The following RHOU variants were observed in gnomAD, a reference collection of about 807,000 sequenced individuals.
RHOU encodes the protein rho-related GTP-binding protein RhoU.
RHOU carries 8 observed loss-of-function variants against 12.6 expected under a neutral mutation model. The ratio of observed to expected loss-of-function variants is 0.64; its 90% CI spans 0.37 to 1.15. The LOEUF (loss-of-function observed/expected upper bound fraction) is 1.15, where lower values mean the gene tolerates loss of function less well. Among genes scored for constraint, RHOU ranks in the 50% most tolerant of loss-of-function variants. The pLI is 0.01. For missense variants in RHOU, 258 were observed against 347.0 expected, an observed-to-expected ratio of 0.74 and a Z score of 2.04; for synonymous variants, 161 against 147.4, an observed-to-expected ratio of 1.09 and a Z score of -0.67.
chr1:228,676,909 C>G, the RHOU span, among the ~76,000 whole-genome samples: 73 of 152,312 alleles, frequency 4.8e-4, no homozygotes, highest in Admixed American at 1.6e-3. Flanking sequence ...TTTTGTGGAT[C>G]TTCAGTTGCT....
the RHOU span, among the ~76,000 whole-genome samples, chr1:228,682,854 C>T: frequency 5.9e-5 from 9 of 152,266 alleles, no homozygotes; most frequent in South Asian, 1.5e-3. Flanking sequence ...TTGGATGTCA[C>T]TCAAATCTGA....
At chr1:228,724,058 GAC>G in the RHOU span, among the ~76,000 whole-genome samples, 1 of 152,076 alleles carries the variant, frequency 6.6e-6, no homozygotes, top group Non-Finnish European at 1.5e-5. Flanking sequence ...TCGTCTCTGT[GAC>G]AGTCATCCTG....
At chr1:228,655,318 G>C in the RHOU span, among the ~76,000 whole-genome samples, 29 of 152,128 alleles carry the variant, frequency 1.9e-4, no homozygotes, top group African/African-American at 5.8e-4. Context: ...TGGCCAGGCT[G>C]GTCTTGAACT....
the RHOU span, among the ~76,000 whole-genome samples, chr1:228,692,132 C>T: frequency 6.6e-6 from 1 of 152,042 alleles, no homozygotes; most frequent in Non-Finnish European, 1.5e-5. Flanking sequence ...ACAATTGGAC[C>T]ACAAGGTGGT....
the RHOU span, among the ~76,000 whole-genome samples, chr1:228,660,428 C>G: frequency 6.6e-6 from 1 of 151,712 alleles, no homozygotes; most frequent in South Asian, 2.1e-4. Flanking sequence ...TTCTTAATCC[C>G]TTCCAAAAAC....
the RHOU span, among the ~76,000 whole-genome samples, chr1:228,709,653 C>T: frequency 1.4e-5 from 2 of 145,422 alleles, no homozygotes; most frequent in African/African-American, 5.0e-5. Flanking sequence ...GGGACACATT[C>T]AAAGCAGTGT....
chr1:228,657,700 T>G, the RHOU span, among the ~76,000 whole-genome samples: 1 of 152,220 alleles, frequency 6.6e-6, no homozygotes, highest in Non-Finnish European at 1.5e-5. Context: ...TATAGGACTC[T>G]ATATCCAGCA....
rs144675421 is a variant in RHOU, at chr1:228,745,565, A to G, written c.*1825A>G. 1.6e-4 allele frequency: 24 copies of G among 152,378 alleles called. No individual in the cohort carries two copies. Among genetic ancestry groups the G allele is most frequent in the African/African-American group, 4.8e-4 (20 of 41,596 alleles). 9.4% of individuals were successfully genotyped at this position (152,378 alleles called of 1,614,324 possible). ...CAAAAGATTAATCTTTAAACCACTA[A>G]AATACATAGACTGATTGATTATTCA... On this transcript the variant is annotated 3_prime_UTR_variant, in exon 3 of 3. Transcript: ENST00000366691.
chr1:228,653,561 C>T, the RHOU span, among the ~76,000 whole-genome samples: 2 of 152,144 alleles, frequency 1.3e-5, no homozygotes, highest in African/African-American at 2.4e-5. Flanking sequence ...TCAGGTGATC[C>T]ACCCACTTCG....
the RHOU span, among the ~76,000 whole-genome samples, chr1:228,708,604 A>G: frequency 6.6e-6 from 1 of 152,076 alleles, no homozygotes; most frequent in African/African-American, 2.4e-5. Flanking sequence ...AGACAAGCAA[A>G]TACTGAGAGA....
chr1:228,687,513 C>A, the RHOU span: 6 of 1,581,660 alleles, frequency 3.8e-6, no homozygotes, highest in African/African-American at 6.7e-5. Context: ...ACGAGGTGGC[C>A]GAATCTTCCT....
Position 228,737,563 on chromosome 1 carries a change from A to C in RHOU, c.263-110A>C. 2 of 1,088,386 alleles carry C rather than the reference A, an allele frequency of 1.8e-6. No individual in the cohort carries two copies. Among genetic ancestry groups the C allele is most frequent in the Non-Finnish European group, 2.8e-6 (2 of 715,598 alleles). The allele number at this position is 1,088,386 out of a possible 1,614,324, so 67.4% of individuals were successfully genotyped here. On this transcript the variant is annotated intron_variant, in intron 1 of 2. Coordinates refer to ENST00000366691, the MANE Select transcript of RHOU (RefSeq NM_021205.6). The surrounding 1 kb of genome is among the most constrained non-coding windows in gnomAD (Gnocchi z 4.1). ...TCTTTAATTCATTAGAGGACCTAAA[A>C]TAGGAGCAAAGGGGTTTGGAGTGAG...
Position 228,736,021 on chromosome 1 carries a change from G to C in RHOU, c.262+17G>C. ...ACTTCTCCGGTGAGCTGGCCGGGGGGCCGGGGCCGGGGGCGCGTGGCCGCG... is the reference window on the plus strand; with the variant it reads ...ACTTCTCCGGTGAGCTGGCCGGGGGCCCGGGGCCGGGGGCGCGTGGCCGCG... On this transcript the variant is annotated intron_variant, in intron 1 of 2. Coordinates refer to ENST00000366691, the MANE Select transcript of RHOU (RefSeq NM_021205.6). 1 of 1,568,218 alleles carries C rather than the reference G, an allele frequency of 6.4e-7. No individual in the cohort carries two copies. The highest frequency in any genetic ancestry group is 8.6e-7 in the Non-Finnish European group (1 of 1,164,646).
upstream of RHOU, among the ~76,000 whole-genome samples, chr1:228,734,709 T>C (rs545665782): frequency 5.3e-5 from 8 of 152,276 alleles, no homozygotes; most frequent in Admixed American, 2.0e-4. Flanking sequence ...CTAAGAGGCG[T>C]CCTTTTTCTG....
At chr1:228,665,296 G>A in the RHOU span, among the ~76,000 whole-genome samples, 4 of 152,120 alleles carry the variant, frequency 2.6e-5, no homozygotes, top group African/African-American at 9.7e-5. Flanking sequence ...CCATTGTACC[G>A]ATAAAGAAAC....
chr1:228,709,973 G>A, the RHOU span, among the ~76,000 whole-genome samples: 2 of 152,048 alleles, frequency 1.3e-5, no homozygotes, highest in African/African-American at 4.8e-5. Context: ...AATGATAAAG[G>A]GGATATCACC....
the RHOU span, among the ~76,000 whole-genome samples, chr1:228,686,405 T>A: frequency 6.6e-6 from 1 of 152,146 alleles, no homozygotes; most frequent in African/African-American, 2.4e-5. Flanking sequence ...TTGAATTGTA[T>A]GCTTAAAATT....
At chr1:228,721,185 C>A in the RHOU span, among the ~76,000 whole-genome samples, 1 of 152,116 alleles carries the variant, frequency 6.6e-6, no homozygotes, top group Admixed American at 6.6e-5. Flanking sequence ...GCCTGTAATC[C>A]CAGCCACTCG....
chr1:228,741,624 T>C (rs958962425), intron 2 of RHOU, among the ~76,000 whole-genome samples: 1 of 152,206 alleles, frequency 6.6e-6, no homozygotes, highest in Non-Finnish European at 1.5e-5. Flanking sequence ...TCTGTGTTTA[T>C]TTATTCATCA....
Sources: gnomAD v4.1 joint callset for allele counts (sites outside exome capture counted in the v4.1 genomes callset) on GRCh38, gnomAD v4.1.1 for gene constraint, Gnocchi (gnomAD v3.1) non-coding constraint, MANE v1.5 for transcripts, NCBI Gene and HGNC (gene_info 2026-07-23, HGNC 2026-07-21) for gene names.